The following ROBO1 variants were observed in gnomAD, a reference collection of about 807,000 sequenced individuals.
The protein encoded by ROBO1 is roundabout homolog 1.
In ROBO1, 149 loss-of-function variants were observed where a neutral mutation model predicts 195.9. The ratio of observed to expected loss-of-function variants is 0.76; its 90% CI spans 0.67 to 0.87. ROBO1 has a LOEUF of 0.87. Ranked by LOEUF, ROBO1 falls within the 40% of genes least tolerant of loss-of-function variation. The pLI, the probability that ROBO1 is intolerant of heterozygous loss-of-function variation, is 0.00. For missense variants in ROBO1, 1,933 were observed against 2,068.3 expected, an observed-to-expected ratio of 0.93 and a Z score of 1.27; for synonymous variants, 816 against 733.2, an observed-to-expected ratio of 1.11 and a Z score of -1.82.
At chr3:78,929,254 A>C (rs942934209) in intron 4 of ROBO1, among the ~76,000 whole-genome samples, 3 of 152,172 alleles carry the variant, frequency 2.0e-5, no homozygotes, top group Admixed American at 6.5e-5. Flanking sequence ...TTAGACTTAA[A>C]CATCAGATAT....
At chr3:78,870,338 T>C (rs142074766) in intron 4 of ROBO1, among the ~76,000 whole-genome samples, 72 of 152,320 alleles carry the variant, frequency 4.7e-4, no homozygotes, top group Non-Finnish European at 5.9e-4. Flanking sequence ...TGATACTCAA[T>C]ACTATCTTCA....
chr3:78,841,061 CAA>C (rs35964780), intron 4 of ROBO1, among the ~76,000 whole-genome samples: 8 of 118,780 alleles, frequency 6.7e-5, no homozygotes, highest in Non-Finnish European at 3.6e-5. Flanking sequence ...GACTGTGTCT[CAA>C]AAAAAAAAAA....
At chr3:79,305,308 GA>G (rs772319206) in intron 2 of ROBO1, among the ~76,000 whole-genome samples, 112 of 152,086 alleles carry the variant, frequency 7.4e-4, no homozygotes, top group Non-Finnish European at 1.4e-3. Context: ...CCAATATGGT[GA>G]AAACCCGTCT....
At chr3:78,800,178 T>C (rs992076833) in intron 4 of ROBO1, among the ~76,000 whole-genome samples, 2 of 152,186 alleles carry the variant, frequency 1.3e-5, no homozygotes, top group African/African-American at 2.4e-5. Context: ...TGCTTCTTTT[T>C]CTATTAAAAT....
chr3:78,832,519 A>G (rs187566245), intron 4 of ROBO1, among the ~76,000 whole-genome samples: 3 of 152,272 alleles, frequency 2.0e-5, no homozygotes, highest in Admixed American at 2.0e-4. Flanking sequence ...TGAGGATAAC[A>G]AACTCTGTCA....
chr3:79,160,834 T>C (rs1012111060), intron 2 of ROBO1, among the ~76,000 whole-genome samples: 1 of 152,070 alleles, frequency 6.6e-6, no homozygotes, highest in Non-Finnish European at 1.5e-5. Context: ...AAACAGCTTC[T>C]AGTTTGTAAC....
intron 4 of ROBO1, among the ~76,000 whole-genome samples, chr3:78,765,808 T>TA (rs1016726419): frequency 6.6e-6 from 1 of 152,200 alleles, no homozygotes; most frequent in Non-Finnish European, 1.5e-5. Context: ...ACATGTTGCA[T>TA]AAATGCCAAT....
intron 4 of ROBO1, among the ~76,000 whole-genome samples, chr3:78,756,199 A>AAAAAC (rs995575359): frequency 1.9e-4 from 29 of 152,268 alleles, no homozygotes; most frequent in South Asian, 1.9e-3. Context: ...AAATTATGGT[A>AAAAAC]AAAACAAAAC....
intron 2 of ROBO1, among the ~76,000 whole-genome samples, chr3:79,570,313 T>C (rs148555716): frequency 1.4e-3 from 209 of 152,034 alleles, no homozygotes; most frequent in African/African-American, 4.8e-3. Flanking sequence ...GTTTTCTAAT[T>C]GCAGTTATTT....
At chr3:78,674,506 A>G (rs1397199781) in intron 10 of ROBO1, among the ~76,000 whole-genome samples, 2 of 152,224 alleles carry the variant, frequency 1.3e-5, no homozygotes, top group Non-Finnish European at 2.9e-5. Context: ...AATAAGCTCC[A>G]AAATAAAGCA....
chr3:78,792,744 T>C (rs562576292), intron 4 of ROBO1, among the ~76,000 whole-genome samples: 1 of 152,298 alleles, frequency 6.6e-6, no homozygotes, highest in Admixed American at 6.5e-5. Context: ...CTCTTGTATA[T>C]TTTCATATTT....
chr3:79,556,711 T>C (rs1273771406), intron 2 of ROBO1, among the ~76,000 whole-genome samples: 1 of 151,918 alleles, frequency 6.6e-6, no homozygotes, highest in Admixed American at 6.6e-5. Context: ...TAAAACACTA[T>C]CATTTCATCA....
At chr3:79,028,223 T>G (rs2078235830) in intron 3 of ROBO1, among the ~76,000 whole-genome samples, 1 of 152,130 alleles carries the variant, frequency 6.6e-6, no homozygotes, top group South Asian at 2.1e-4. Context: ...TTCCAATAAT[T>G]CTCTCAAATA....
At chr3:78,637,988 G>T (rs944068582) in intron 22 of ROBO1, among the ~76,000 whole-genome samples, 1 of 150,002 alleles carries the variant, frequency 6.7e-6, no homozygotes, top group African/African-American at 2.5e-5. Context: ...TTTTTTTGGG[G>T]GGGGGAGGGG....
intron 1 of ROBO1, among the ~76,000 whole-genome samples, chr3:79,689,630 G>T (rs991975273): frequency 6.6e-6 from 1 of 151,938 alleles, no homozygotes; most frequent in Admixed American, 6.6e-5. Flanking sequence ...AGGAAAAACA[G>T]CTGAGACTAA....
intron 1 of ROBO1, among the ~76,000 whole-genome samples, chr3:79,662,213 T>C (rs1946349867): frequency 6.6e-6 from 1 of 152,080 alleles, no homozygotes; most frequent in Non-Finnish European, 1.5e-5. Context: ...TAACTTCACA[T>C]TGAAAAACGA....
At chr3:78,763,505 T>C (rs2108380217) in intron 4 of ROBO1, among the ~76,000 whole-genome samples, 1 of 152,304 alleles carries the variant, frequency 6.6e-6, no homozygotes, top group East Asian at 1.9e-4. Context: ...CTGTAACTTT[T>C]AGCTAACTAC....
chr3:78,889,988 CCT>C (rs2036795890), intron 4 of ROBO1, among the ~76,000 whole-genome samples: 1 of 152,046 alleles, frequency 6.6e-6, no homozygotes, highest in Non-Finnish European at 1.5e-5. Flanking sequence ...TAAACTGGGA[CCT>C]CTCTGTCTCT....
chr3:79,607,750 A>C (rs940246198), intron 1 of ROBO1, among the ~76,000 whole-genome samples: 4 of 152,050 alleles, frequency 2.6e-5, no homozygotes, highest in Non-Finnish European at 5.9e-5. Context: ...TATTTTAAAT[A>C]GATTTAATTC....
Sources: gnomAD v4.1 joint callset for allele counts (sites outside exome capture counted in the v4.1 genomes callset) on GRCh38, gnomAD v4.1.1 for gene constraint, MANE v1.5 for transcripts, NCBI Gene and HGNC (gene_info 2026-07-23, HGNC 2026-07-21) for gene names.